Variants in PZP observed in about 807,000 individuals in gnomAD.
The protein encoded by PZP is pregnancy zone protein.
PZP carries 150 observed loss-of-function variants against 179.8 expected under a neutral mutation model. The ratio of observed to expected loss-of-function variants is 0.83; its 90% CI spans 0.73 to 0.96. PZP has a LOEUF of 0.96. Ranked by LOEUF, PZP falls within the 40% of genes least tolerant of loss-of-function variation. PZP has a pLI of 0.00. For synonymous variants in PZP, 624 were observed against 652.3 expected, an observed-to-expected ratio of 0.96 and a Z score of 0.66; for missense variants, 1,689 against 1,764.0, an observed-to-expected ratio of 0.96 and a Z score of 0.76.
intron 21 of PZP, among the ~76,000 whole-genome samples, chr12:9,162,975 A>C (rs765022377): frequency 6.6e-6 from 1 of 152,116 alleles, no homozygotes; most frequent in African/African-American, 2.4e-5. Context: ...GCTCGCCTCC[A>C]TGTGTCTATG....
intron 30 of PZP, 63 bp from the exon 31 acceptor site, chr12:9,153,014 C>G: frequency 6.2e-7 from 1 of 1,610,734 alleles, no homozygotes; most frequent in Non-Finnish European, 8.5e-7. Flanking sequence ...TTCCTCATTA[C>G]TTAACGTCTC....
At chr12:9,173,615 A>G (rs749856575) in intron 15 of PZP, among the ~76,000 whole-genome samples, 1 of 152,314 alleles carries the variant, frequency 6.6e-6, no homozygotes, top group East Asian at 1.9e-4. Context: ...GAAAAGAATC[A>G]AGTAGACACA....
Position 9,152,840 on chromosome 12 carries a change from T to A in PZP, c.4105A>T (p.Ile1369Phe), listed in dbSNP as rs984085862. The part of the protein sequence containing the change: ...DGHKAHTSFQ[I>F]SLTISYTGNR... Reference sequence around the variant, plus strand: ...ACGTCTTACCTGATGGTCAGTGAGATCTGAAAGCTGGTGTGGGCTTTGTGT... The same window carrying A: ...ACGTCTTACCTGATGGTCAGTGAGAACTGAAAGCTGGTGTGGGCTTTGTGT... Residue 1369 changes from isoleucine (I) to phenylalanine (F), a missense_variant, in exon 31 of 36, where the codon ATC (isoleucine) becomes TTC (phenylalanine). Ile to Phe is a conservative substitution (Grantham distance 21). Coordinates refer to ENST00000261336, the MANE Select transcript of PZP (RefSeq NM_002864.3). 1.2e-6 allele frequency: 2 copies of A among 1,614,136 alleles called. No homozygotes were observed. Among genetic ancestry groups the A allele is most frequent in the Non-Finnish European group, 1.7e-6 (2 of 1,179,982 alleles).
chr12:9,208,240 G>T lies in PZP; in HGVS notation c.83+19C>A. ...GACTGAAACGCACTCTGGAGGAAGG[G>T]GTCTTGAGTGAGACTTACGGTTCTG... On this transcript the variant is annotated intron_variant, in intron 1 of 35. Coordinates refer to ENST00000261336, the MANE Select transcript of PZP (RefSeq NM_002864.3). The T allele has an allele frequency of 6.3e-7, 1 of 1,596,876 alleles. No homozygotes were observed. The highest frequency in any genetic ancestry group is 8.6e-7 in the Non-Finnish European group (1 of 1,164,380).
At chr12:9,168,244 A>G (rs894436982) in intron 17 of PZP, among the ~76,000 whole-genome samples, 1 of 152,198 alleles carries the variant, frequency 6.6e-6, no homozygotes, top group African/African-American at 2.4e-5. Flanking sequence ...CACTTCACAT[A>G]TAGGATATCT....
At position 9,170,759 on chromosome 12, in the gene PZP, C is replaced by T. The variant is rs1052355549; in HGVS notation, c.1840-1168G>A. Among the ~76,000 whole-genome samples the T allele has an allele frequency of 2.6e-5, 4 of 152,210 alleles. No homozygotes were observed. ...ATCAGACTGCTTCTTTAAGTGGGAC[C>T]CTGATCCATTCCTCCTCATCGAGTG... On this transcript the variant is annotated intron_variant, in intron 15 of 35. Coordinates refer to ENST00000261336, the MANE Select transcript of PZP (RefSeq NM_002864.3). This position sits in a 1 kb window ranked among gnomAD's most constrained non-coding sequence, Gnocchi z 4.6.
intron 13 of PZP, among the ~76,000 whole-genome samples, chr12:9,183,082 T>G (rs1341496143): frequency 6.6e-6 from 1 of 152,250 alleles, no homozygotes; most frequent in Admixed American, 6.5e-5. Context: ...ACAATTAGAA[T>G]TGTAGAAGAA....
intron 18 of PZP, 152 bp from the exon 19 acceptor site, chr12:9,165,519 G>T: frequency 1.1e-6 from 1 of 885,272 alleles, no homozygotes; most frequent in Non-Finnish European, 1.7e-6. Context: ...ATTATGTCCT[G>T]GGATCTGAGT....
intron 28 of PZP, 145 bp from the exon 29 acceptor site, chr12:9,154,984 A>G: frequency 1.2e-6 from 1 of 828,498 alleles, no homozygotes; most frequent in Non-Finnish European, 1.9e-6. Context: ...CCTAAAACTC[A>G]CTAACTCACA....
At chr12:9,187,831 G>A (rs867074709) in intron 13 of PZP, among the ~76,000 whole-genome samples, 8 of 152,152 alleles carry the variant, frequency 5.3e-5, no homozygotes, top group African/African-American at 1.7e-4. Context: ...CTTGCTCTTC[G>A]GAACCTGAAA....
rs1193066276 is a variant in PZP, at chr12:9,182,251, C to G, written c.1547-134G>C. On this transcript the variant is annotated intron_variant, in intron 13 of 35. Transcript: ENST00000261336. ...TCCATTCATTCTAATGGCTTAGTCT[C>G]TCTATGTGCCATTAGTTATTTGGTG... 3 of 728,082 alleles carry G rather than the reference C, an allele frequency of 4.1e-6. No homozygotes were observed. The African/African-American group carries it at 5.5e-5, about 13-fold the overall frequency. The allele number at this position is 728,082 out of a possible 1,614,324, so 45.1% of individuals were successfully genotyped here.
Position 9,163,651 on chromosome 12 carries a change from T to C in PZP, c.2736+17A>G. ...TTGCATTCTTACAGTTGTTAGGGAC[T>C]CCCAAAAATATGTTACCTCCACCAA... On this transcript the variant is annotated intron_variant, in intron 21 of 35. Transcript: ENST00000261336. 4.3e-6 allele frequency: 7 copies of C among 1,611,632 alleles called. No individual in the cohort carries two copies. Among genetic ancestry groups the C allele is most frequent in the Non-Finnish European group, 5.1e-6 (6 of 1,178,752 alleles).
At chr12:9,187,414 C>G (rs1943195236) in intron 13 of PZP, among the ~76,000 whole-genome samples, 1 of 152,164 alleles carries the variant, frequency 6.6e-6, no homozygotes, top group African/African-American at 2.4e-5. Context: ...TACTCTAAAA[C>G]CGATCACACA....
In PZP at chr12:9,154,774, G is replaced by T; in HGVS notation, c.3616C>A (p.Gln1206Lys). 6.2e-7 allele frequency: 1 copy of T among 1,614,154 alleles called. No individual in the cohort carries two copies. The highest frequency in any genetic ancestry group is 8.5e-7 in the Non-Finnish European group (1 of 1,180,024). Residue 1206 changes from glutamine to lysine, a missense_variant, in exon 29 of 36, where the codon CAG becomes AAG. Physicochemically the swap from Gln to Lys is moderately conservative, Grantham distance 53. Transcript: ENST00000261336. ...KAPVGHLYQTQAPSAEVEMTS... is the reference protein window; with the variant it reads ...KAPVGHLYQTKAPSAEVEMTS... ...ATCTCCACCTCAGCAGAGGGAGCCT[G>T]GGTTTGGTAAAGATGCCCCACTGGT...
intron 27 of PZP, 68 bp from the exon 28 acceptor site, chr12:9,157,423 T>A (rs1940843895): frequency 7.1e-7 from 1 of 1,412,006 alleles, no homozygotes; most frequent in African/African-American, 1.4e-5. Flanking sequence ...GAGAGCTGGA[T>A]ATTGACAGTC....
chr12:9,186,186 A>T (rs1943108327), intron 13 of PZP, among the ~76,000 whole-genome samples: 1 of 152,188 alleles, frequency 6.6e-6, no homozygotes, highest in Admixed American at 6.5e-5. Context: ...GAGAAATAAG[A>T]TGCTTCTCAG....
intron 33 of PZP, among the ~76,000 whole-genome samples, chr12:9,151,051 T>A (rs1222929211): frequency 6.6e-6 from 1 of 152,224 alleles, no homozygotes; most frequent in African/African-American, 2.4e-5. Flanking sequence ...TTTCATACAA[T>A]CTGTAATTAA....
chr12:9,186,581 T>C lies in PZP; in HGVS notation c.1547-4464A>G, dbSNP rs775245229. Reference sequence around the variant, plus strand: ...AAAAATCTGTCAAGCAAATGGAAAATAGAAAAAAGCAGGGGTTGCCACATG... The same window carrying C: ...AAAAATCTGTCAAGCAAATGGAAAACAGAAAAAAGCAGGGGTTGCCACATG... On this transcript the variant is annotated intron_variant, in intron 13 of 35. Coordinates refer to ENST00000261336, the MANE Select transcript of PZP (RefSeq NM_002864.3). 4.0e-5 allele frequency among the ~76,000 whole-genome samples: 6 copies of C among 151,268 alleles called. No individual in the cohort carries two copies. The South Asian group carries it at 8.4e-4, about 21-fold the overall frequency.
intron 15 of PZP, among the ~76,000 whole-genome samples, chr12:9,178,423 T>C (rs1022296023): frequency 1.3e-5 from 2 of 152,164 alleles, no homozygotes; most frequent in African/African-American, 4.8e-5. Context: ...TACTTCATCA[T>C]GGCCCCAATG....
Sources: allele counts gnomAD v4.1 joint callset (sites outside exome capture counted in the v4.1 genomes callset), GRCh38; gene constraint gnomAD v4.1.1; non-coding constraint Gnocchi (gnomAD v3.1); transcripts MANE v1.5; gene names NCBI Gene and HGNC (gene_info 2026-07-23, HGNC 2026-07-21).